Variants in P2RY14 observed in about 807,000 individuals in gnomAD.
P2RY14 encodes the protein purinergic receptor P2Y14, also known as P2Y purinoceptor 14.
P2RY14 carries 2 observed loss-of-function variants against 0.9 expected under a neutral mutation model. That is an observed-to-expected ratio of 2.16 (90% CI 0.88 to 6.79). The LOEUF (loss-of-function observed/expected upper bound fraction) is 6.79, where lower values mean the gene tolerates loss of function less well. P2RY14 is among the 30% of genes most tolerant of loss of function. The pLI, the probability that P2RY14 is intolerant of heterozygous loss-of-function variation, is 0.05. For synonymous variants in P2RY14, 158 were observed against 147.2 expected, an observed-to-expected ratio of 1.07 and a Z score of -0.53; for missense variants, 378 against 400.1, an observed-to-expected ratio of 0.94 and a Z score of 0.47.
intron 2 of P2RY14, among the ~76,000 whole-genome samples, chr3:151,219,309 T>C (rs1330794255): frequency 6.6e-6 from 1 of 152,226 alleles, no homozygotes; most frequent in African/African-American, 2.4e-5. Context: ...CATTGCTCAC[T>C]CCAGAAATAC....
rs1727351820 is a variant in P2RY14 at position 151,212,602 on chromosome 3, C to G, written c.*698G>C. 6.6e-6 allele frequency: 1 copy of G among 151,972 alleles called. No homozygotes were observed. Among genetic ancestry groups the G allele is most frequent in the Non-Finnish European group, 1.5e-5 (1 of 67,984 alleles). The allele number at this position is 151,972 out of a possible 1,614,324, so 9.4% of individuals were successfully genotyped here. On this transcript the variant is annotated 3_prime_UTR_variant, in exon 3 of 3. Coordinates refer to ENST00000309170, the MANE Select transcript of P2RY14 (RefSeq NM_014879.4). ...TAAAAATATTCTAACACCAGAACCCCAGGCTCATTAAATGACGTAAGTCTT... is the reference window on the plus strand; with the variant it reads ...TAAAAATATTCTAACACCAGAACCCGAGGCTCATTAAATGACGTAAGTCTT...
At chr3:151,266,046 C>T (rs1204542437) in intron 1 of P2RY14, among the ~76,000 whole-genome samples, 2 of 152,198 alleles carry the variant, frequency 1.3e-5, no homozygotes, top group African/African-American at 4.8e-5. Context: ...GACTTAGATT[C>T]GACTTGGCAG....
chr3:151,267,095 C>A (rs934745638), intron 1 of P2RY14, among the ~76,000 whole-genome samples: 13 of 152,168 alleles, frequency 8.5e-5, no homozygotes, highest in African/African-American at 3.1e-4. Flanking sequence ...TCATTTCTTG[C>A]GTGTTAGAAC....
At chr3:151,269,252 T>C (rs577924954) in intron 1 of P2RY14, among the ~76,000 whole-genome samples, 2 of 152,038 alleles carry the variant, frequency 1.3e-5, no homozygotes, top group South Asian at 4.1e-4. Flanking sequence ...AATACAAAAT[T>C]AGCCAGGTGT....
At chr3:151,226,377 A>G (rs149061463) in intron 1 of P2RY14, among the ~76,000 whole-genome samples, 7 of 152,370 alleles carry the variant, frequency 4.6e-5, no homozygotes, top group African/African-American at 1.4e-4. Context: ...AATCTTGCCA[A>G]TGAGTAAACG....
At chr3:151,276,946 G>A (rs1340110771) in intron 1 of P2RY14, among the ~76,000 whole-genome samples, 1 of 152,042 alleles carries the variant, frequency 6.6e-6, no homozygotes. Context: ...GCCCAGACTG[G>A]AGTGCAGTGG....
intron 1 of P2RY14, among the ~76,000 whole-genome samples, chr3:151,268,479 T>C (rs541303665): frequency 3.3e-5 from 5 of 152,352 alleles, no homozygotes; most frequent in African/African-American, 1.2e-4. Flanking sequence ...AGTCAAGGCA[T>C]GTCCTAGGCA....
chr3:151,223,867 T>TC (rs1729922702), intron 1 of P2RY14, among the ~76,000 whole-genome samples: 2 of 152,224 alleles, frequency 1.3e-5, no homozygotes, highest in African/African-American at 4.8e-5. Flanking sequence ...CATTGCCTAC[T>TC]CCTGGGGAGG....
intron 1 of P2RY14, among the ~76,000 whole-genome samples, chr3:151,260,880 A>G (rs1166461206): frequency 6.6e-6 from 1 of 152,134 alleles, no homozygotes; most frequent in Non-Finnish European, 1.5e-5. Flanking sequence ...GTTTCCAGTA[A>G]AGTCAACATT....
intron 1 of P2RY14, among the ~76,000 whole-genome samples, chr3:151,273,425 T>C (rs1741340040): frequency 7.6e-6 from 1 of 131,238 alleles, no homozygotes; most frequent in Non-Finnish European, 1.6e-5. Flanking sequence ...TTTTTTTTAG[T>C]AGAGACAGAG....
chr3:151,226,895 C>T (rs561414001), intron 1 of P2RY14, among the ~76,000 whole-genome samples: 9 of 152,116 alleles, frequency 5.9e-5, no homozygotes, highest in Admixed American at 1.3e-4. Context: ...CAACAGGTAA[C>T]GTTAACCTAT....
At chr3:151,269,397 T>TCTCA (rs925857835) in intron 1 of P2RY14, 1 of 144,510 alleles carries the variant, frequency 6.9e-6, no homozygotes, top group African/African-American at 2.9e-5. Context: ...TGAAACTCCA[T>TCTCA]CACACACACA....
rs1036028152 is a variant in P2RY14, at chr3:151,278,330, T to A, written c.-176A>T. ...CTGTGAGAGTCATGCTTCACTCATTTTGAAATACCTCTCATTGTAGGCTCC... is the reference window on the plus strand; with the variant it reads ...CTGTGAGAGTCATGCTTCACTCATTATGAAATACCTCTCATTGTAGGCTCC... On this transcript the variant is annotated 5_prime_UTR_variant, in exon 1 of 3. An upstream open reading frame in the 5' UTR gains an earlier in-frame stop. Coordinates refer to ENST00000309170, the MANE Select transcript of P2RY14 (RefSeq NM_014879.4). 3 of 152,128 alleles carry A rather than the reference T, an allele frequency of 2.0e-5. No individual in the cohort carries two copies. Among genetic ancestry groups the A allele is most frequent in the Non-Finnish European group, 2.9e-5 (2 of 67,992 alleles). 9.4% of individuals were successfully genotyped at this position (152,128 alleles called of 1,614,324 possible).
At position 151,256,032 on chromosome 3, in the gene P2RY14, A is replaced by G. The variant is rs1265268155; in HGVS notation, c.-133+22255T>C. ...ACTATGACAGGCTAATTGTTCCTTT[A>G]CAATGCTTTCAAAACTGCATGGTTC... On this transcript the variant is annotated intron_variant, in intron 1 of 2. Transcript: ENST00000309170. Among the ~76,000 whole-genome samples the G allele has an allele frequency of 3.3e-5, 5 of 152,280 alleles. No individual in the cohort carries two copies. In the South Asian group the frequency reaches 1.0e-3, roughly 32 times the overall value.
intron 1 of P2RY14, among the ~76,000 whole-genome samples, chr3:151,250,540 G>C (rs1247636378): frequency 6.6e-6 from 1 of 151,934 alleles, no homozygotes; most frequent in Admixed American, 6.6e-5. Flanking sequence ...GTCCTTTTTT[G>C]ACTGGCTTAA....
At chr3:151,266,333 A>G (rs78348639) in intron 1 of P2RY14, among the ~76,000 whole-genome samples, 1,898 of 152,322 alleles carry the variant, frequency 0.012, 41 homozygotes, top group African/African-American at 0.044. Flanking sequence ...TTTGAACCCT[A>G]TCACTGCATG....
intron 1 of P2RY14, among the ~76,000 whole-genome samples, chr3:151,224,934 G>C (rs978489015): frequency 2.0e-5 from 3 of 152,110 alleles, no homozygotes; most frequent in Non-Finnish European, 4.4e-5. Context: ...AAAGCCATCA[G>C]AACATGCTTA....
At chr3:151,259,335 C>G (rs1460951519) in intron 1 of P2RY14, among the ~76,000 whole-genome samples, 1 of 152,188 alleles carries the variant, frequency 6.6e-6, no homozygotes, top group African/African-American at 2.4e-5. Flanking sequence ...GAGGAATTTT[C>G]TGATCTGAGG....
At chr3:151,237,350 CTTTTTTTT>C (rs57239604) in intron 1 of P2RY14, among the ~76,000 whole-genome samples, 1 of 94,602 alleles carries the variant, frequency 1.1e-5, no homozygotes, top group Admixed American at 1.6e-4. Flanking sequence ...TTTTTTTTTT[CTTTTTTTT>C]TTTTTTTTGA....
Sources: allele counts gnomAD v4.1 joint callset (sites outside exome capture counted in the v4.1 genomes callset), GRCh38; gene constraint gnomAD v4.1.1; transcripts MANE v1.5; gene names NCBI Gene and HGNC (gene_info 2026-07-23, HGNC 2026-07-21).